Variants in TTN observed in about 807,000 individuals in gnomAD.
TTN encodes connectin.
TTN carries 1,525 observed loss-of-function variants against 3,223.0 expected under a neutral mutation model. The ratio of observed to expected loss-of-function variants is 0.47; its 90% confidence interval spans 0.45 to 0.49. The LOEUF is 0.49. Among genes scored for constraint, TTN ranks in the 20% least tolerant of loss-of-function variants. TTN has a pLI of 0.00. For synonymous variants in TTN, 14,094 were observed against 15,161.0 expected, an observed-to-expected ratio of 0.93 and a Z score of 5.17; for missense variants, 40,786 against 43,424.0, an observed-to-expected ratio of 0.94 and a Z score of 5.40.
At position 178,729,864 on chromosome 2, in the gene TTN, G is replaced by C. The variant is rs1379804888; in HGVS notation, c.18389C>G (p.Thr6130Arg). 4.3e-6 allele frequency: 7 copies of C among 1,613,492 alleles called. No homozygotes were observed. Among genetic ancestry groups the C allele is most frequent in the Non-Finnish European group, 5.9e-6 (7 of 1,179,720 alleles). ...AGACACTCGGATTTTAGGAGTGCCT[G>C]TTATTTGGCATTCAAATGTTGTTGA... The part of the protein sequence containing the change: ...GQSTTFECQI[T>R]GTPKIRVSWY... Residue 6130 changes from threonine to arginine, a missense_variant, in exon 63 of 363, where the codon ACA becomes AGA. Coordinates refer to ENST00000589042, the MANE Select transcript of TTN (RefSeq NM_001267550.2).
At position 178,557,837 on chromosome 2, in the gene TTN, A is replaced by C; in HGVS notation, c.87517T>G (p.Tyr29173Asp). Reference protein sequence around the residue: ...KYDGGSQVTNYILLKRETSTA... With the variant: ...KYDGGSQVTNDILLKRETSTA... Reference sequence around the variant, plus strand: ...CTTGTTTCTCTTTTGAGTAGAATGTAGTTGGTAACTTGACTTCCACCGTCA... The same window carrying C: ...CTTGTTTCTCTTTTGAGTAGAATGTCGTTGGTAACTTGACTTCCACCGTCA... The change falls in exon 328 of 363, where the codon TAC becomes GAC. Residue 29173 changes from tyrosine to aspartate, a missense_variant. Physicochemically the swap from Tyr to Asp is radical, Grantham distance 160 (BLOSUM62 -3). Coordinates refer to ENST00000589042, the MANE Select transcript of TTN (RefSeq NM_001267550.2). 1 of 1,613,942 alleles carries C rather than the reference A, an allele frequency of 6.2e-7. No homozygotes were observed. The highest frequency in any genetic ancestry group is 8.5e-7 in the Non-Finnish European group (1 of 1,179,838).
rs1454054276 is a variant in TTN, at chr2:178,718,150, T to G, written c.24856A>C (p.Lys8286Gln). The G allele has an allele frequency of 1.2e-6, 2 of 1,608,034 alleles. No homozygotes were observed. ...VIGEPATLQC[K>Q]VDGTPEIRIS... ...CTAATTTCTGGAGTTCCATCCACTT[T>G]ACACTGTAAAGTTGCAGGTTCTCCA... The change falls in exon 86 of 363, where the codon AAA becomes CAA. Residue 8286 changes from lysine (K) to glutamine (Q), a missense_variant. By Grantham distance (53) the Lys-to-Gln change is moderately conservative (BLOSUM62 1). Transcript: ENST00000589042.
In TTN at chr2:178,563,407, G is replaced by A; in HGVS notation, c.82725C>T (p.Ser27575=). The change falls in exon 326 of 363, where the codon AGC becomes AGT. Residue 27575 remains serine, a synonymous_variant. Coordinates refer to ENST00000589042, the MANE Select transcript of TTN (RefSeq NM_001267550.2). The surrounding 1 kb of genome is among the most constrained non-coding windows in gnomAD (Gnocchi z 4.5). ...TGGAAGTGTCCGTCACTTTTGGATTGCTTGGGGGACCTGGTGGATACAAGG... is the reference window on the plus strand; with the variant it reads ...TGGAAGTGTCCGTCACTTTTGGATTACTTGGGGGACCTGGTGGATACAAGG... The part of the protein sequence containing the change: ...CDALYPPGPP[S]NPKVTDTSRS... 6.2e-7 allele frequency: 1 copy of A among 1,613,584 alleles called. No homozygotes were observed. The highest frequency in any genetic ancestry group is 8.5e-7 in the Non-Finnish European group (1 of 1,179,726).
intron 213 of TTN, 47 bp from the exon 214 acceptor site, chr2:178,647,511 C>G: frequency 1.3e-6 from 2 of 1,528,010 alleles, no homozygotes; most frequent in Non-Finnish European, 1.8e-6. Flanking sequence ...AGAAGACATG[C>G]AAGATTGTCT....
Position 178,689,836 on chromosome 2 carries a change from T to C in TTN, c.31823A>G (p.Lys10608Arg). ...EEKIPVPVAK[K>R]KEAPPAKVPE... Reference sequence around the variant, plus strand: ...ACCTTTAGCTGGGGGAGCTTCCTTTTTCTTTGCAACAGGAACGGGAATCTT... The same window carrying C: ...ACCTTTAGCTGGGGGAGCTTCCTTTCTCTTTGCAACAGGAACGGGAATCTT... Residue 10608 changes from lysine (K) to arginine (R), a missense_variant, in exon 122 of 363, where the codon AAA (lysine) becomes AGA (arginine). Coordinates refer to ENST00000589042, the MANE Select transcript of TTN (RefSeq NM_001267550.2). 1 of 1,612,364 alleles carries C rather than the reference T, an allele frequency of 6.2e-7. No individual in the cohort carries two copies. The highest frequency in any genetic ancestry group is 1.1e-5 in the South Asian group (1 of 90,548).
chr2:178,526,911 A>G lies in TTN; in HGVS notation c.*101T>C, dbSNP rs1164348070. On this transcript the variant is annotated 3_prime_UTR_variant, in exon 363 of 363. Coordinates refer to ENST00000589042, the MANE Select transcript of TTN (RefSeq NM_001267550.2). Reference sequence around the variant, plus strand: ...GACTCATTTAGGTTGATACAAAACTACTTTTTTTTCTTTAAATATTTACAG... The same window carrying G: ...GACTCATTTAGGTTGATACAAAACTGCTTTTTTTTCTTTAAATATTTACAG... The G allele has an allele frequency of 2.0e-6, 2 of 1,010,330 alleles. No homozygotes were observed. Among genetic ancestry groups the G allele is most frequent in the Non-Finnish European group, 2.7e-6 (2 of 744,500 alleles). The allele number at this position is 1,010,330 out of a possible 1,614,324, so 62.6% of individuals were successfully genotyped here.
In TTN at chr2:178,573,084, C is replaced by G. The variant is rs751015119; in HGVS notation, c.73048G>C (p.Asp24350His). The G allele has an allele frequency of 5.0e-6, 8 of 1,613,162 alleles. No individual in the cohort carries two copies. The highest frequency in any genetic ancestry group is 1.7e-5 in the Admixed American group (1 of 59,952). Residue 24350 changes from aspartate (D) to histidine (H), a missense_variant, in exon 326 of 363, where the codon GAT (aspartate) becomes CAT (histidine). By Grantham distance (81) the Asp-to-His change is moderately conservative. Transcript: ENST00000589042. ...TACCCAGTGATTTCTGAACCACCAT[C>G]ATAGATAGGTTTATTCCAAGCGATT... ...ISIAWNKPIY[D>H]GGSEITGYMV...
At chr2:178,751,107 A>G in intron 47 of TTN, 1 of 1,612,848 alleles carries the variant, frequency 6.2e-7, no homozygotes, top group Non-Finnish European at 8.5e-7. Flanking sequence ...CTCTCAGCTG[A>G]ATGATCTACC....
chr2:178,741,020 A>G lies in TTN; in HGVS notation c.12213T>C (p.Ile4071=). 6.2e-7 allele frequency: 1 copy of G among 1,613,918 alleles called. No homozygotes were observed. The highest frequency in any genetic ancestry group is 1.1e-5 in the South Asian group (1 of 91,076). ...AAATGGTGTCTTTTACAAACGTTGC[A>G]ATTTCCTGCTCTGAGTCAAGTGCTT... is the stretch of plus-strand genomic sequence containing the variant. ...AVEALDSEQE[I]ATFVKDTILK... is the part of the protein sequence containing the mutation. Residue 4071 remains isoleucine, a synonymous_variant, in exon 48 of 363, where the codon ATT becomes ATC. Transcript: ENST00000589042.
intron 69 of TTN, chr2:178,726,252 T>C: frequency 2.0e-6 from 1 of 492,392 alleles, no homozygotes; most frequent in Non-Finnish European, 3.5e-6. Context: ...CCCAGATAGA[T>C]CCTAGATGTC....
At chr2:178,750,798 G>A (rs775081242) in intron 47 of TTN, 1 of 1,613,054 alleles carries the variant, frequency 6.2e-7, no homozygotes, top group Non-Finnish European at 8.5e-7. Context: ...ACATTTTCAG[G>A]AGTCTCATAT....
chr2:178,616,572 A>G lies in TTN; in HGVS notation c.48219T>C (p.His16073=). 2 of 1,612,420 alleles carry G rather than the reference A, an allele frequency of 1.2e-6. No individual in the cohort carries two copies. The highest frequency in any genetic ancestry group is 1.7e-6 in the Non-Finnish European group (2 of 1,179,002). ...CATCATCAGGTGGTTCCCAAGTCAA[A>G]TGTACTGAGTCCTTGGTTATATCAC... ...KFGDITKDSV[H]LTWEPPDDDG... The change falls in exon 257 of 363, where the codon CAT becomes CAC. Residue 16073 remains histidine (H), a synonymous_variant. Transcript: ENST00000589042.
intron 113 of TTN, 71 bp from the exon 114 acceptor site, chr2:178,696,340 C>A: frequency 8.0e-7 from 1 of 1,255,046 alleles, no homozygotes; most frequent in African/African-American, 1.5e-5. Flanking sequence ...CAAAAATCTA[C>A]CTAGTTAAAC....
intron 18 of TTN, 78 bp from the exon 19 acceptor site, chr2:178,782,680 T>C: frequency 6.2e-7 from 1 of 1,604,488 alleles, no homozygotes; most frequent in South Asian, 1.1e-5. Flanking sequence ...AAATTGACCA[T>C]ATAATCTCCC....
At chr2:178,717,013 C>G in intron 88 of TTN, 82 bp downstream of exon 88, 4 of 1,457,298 alleles carry the variant, frequency 2.7e-6, no homozygotes, top group Non-Finnish European at 3.7e-6. Flanking sequence ...AAACATAGCT[C>G]TCTCTCAAGC....
At chr2:178,789,615 A>C (rs2093382429) in intron 12 of TTN, 118 bp from the exon 13 acceptor site, 2 of 1,345,944 alleles carry the variant, frequency 1.5e-6, no homozygotes, top group African/African-American at 2.9e-5. Context: ...AATACACAAG[A>C]GAAATAAACT....
chr2:178,547,032 G>A lies in TTN; in HGVS notation c.94493C>T (p.Ser31498Leu), dbSNP rs1281357207. 1.2e-6 allele frequency: 2 copies of A among 1,613,030 alleles called. No homozygotes were observed. Among genetic ancestry groups the A allele is most frequent in the Non-Finnish European group, 1.7e-6 (2 of 1,179,186 alleles). ...AAGVSKASEA[S>L]RPIMAQNPVD... ...TGGATTTTGAGCCATTATAGGTCTT[G>A]AAGCTTCGCTGGCCTTGCTAACACC... The change falls in exon 340 of 363, where the codon TCA becomes TTA. Residue 31498 changes from serine (S) to leucine (L), a missense_variant. Physicochemically the swap from Ser to Leu is moderately radical, Grantham distance 145. Transcript: ENST00000589042.
chr2:178,536,868 C>A, intron 356 of TTN, 70 bp downstream of exon 356: 1 of 1,373,866 alleles, frequency 7.3e-7, no homozygotes, highest in South Asian at 1.6e-5. Context: ...AAATTTCTTT[C>A]TGTTTAAAAG....
chr2:178,642,864 G>T (rs902535837), intron 218 of TTN, among the ~76,000 whole-genome samples: 1 of 151,922 alleles, frequency 6.6e-6, no homozygotes. Context: ...TTGAAATAAT[G>T]CTGGATAAAA....
Sources: allele counts gnomAD v4.1 joint callset (sites outside exome capture counted in the v4.1 genomes callset), GRCh38; gene constraint gnomAD v4.1.1; non-coding constraint Gnocchi (gnomAD v3.1); transcripts MANE v1.5; gene names NCBI Gene and HGNC (gene_info 2026-07-23, HGNC 2026-07-21).